Variants in CLIC6 observed in about 807,000 individuals in gnomAD.
The protein encoded by CLIC6 is CLIC family member 6.
In CLIC6, 39 loss-of-function variants were observed where a neutral mutation model predicts 49.2. The ratio of observed to expected loss-of-function variants is 0.79; its 90% CI spans 0.61 to 1.04. CLIC6 has a LOEUF of 1.04. Ranked by LOEUF, CLIC6 falls within the 50% of genes least tolerant of loss-of-function variation. CLIC6 has a pLI of 0.00. For synonymous variants in CLIC6, 446 were observed against 433.4 expected, an observed-to-expected ratio of 1.03 and a Z score of -0.36; for missense variants, 988 against 993.1, an observed-to-expected ratio of 0.99 and a Z score of 0.07.
In CLIC6 at chr21:34,669,711, TG is replaced by T; in HGVS notation, c.325del (p.Glu109ArgfsTer52). ...GAGGAGACAAGCGGCGCGCAGCAGG[TG>T]GAGGGGGCGAGCCCGGGACGCGGCG... ...GGEETSGAQQ[V>X]EGASPGRGAQ... On this transcript the variant is annotated frameshift_variant, in exon 1 of 6. Transcript: ENST00000349499. LOFTEE classifies it high-confidence loss of function. 7.5e-7 allele frequency: 1 copy of T among 1,333,878 alleles called. No individual in the cohort carries two copies. Among genetic ancestry groups the T allele is most frequent in the Non-Finnish European group, 9.5e-7 (1 of 1,048,238 alleles). The allele number at this position is 1,333,878 out of a possible 1,614,324, so 82.6% of individuals were successfully genotyped here. A position where few individuals can be genotyped will look rare whatever the true frequency, so the allele number is the denominator to read the frequency against.
intron 1 of CLIC6, among the ~76,000 whole-genome samples, chr21:34,688,695 G>A (rs1989930097): frequency 6.6e-6 from 1 of 152,236 alleles, no homozygotes; most frequent in Admixed American, 6.5e-5. Flanking sequence ...CTTGGGCAGA[G>A]GGTGCAGGGA....
At chr21:34,703,273 A>G (rs1347649055) in intron 1 of CLIC6, among the ~76,000 whole-genome samples, 1 of 152,206 alleles carries the variant, frequency 6.6e-6, no homozygotes, top group Non-Finnish European at 1.5e-5. Flanking sequence ...CAGAGTAGAG[A>G]AAAGTGCTTA....
chr21:34,673,488 G>A (rs1464149620), intron 1 of CLIC6, among the ~76,000 whole-genome samples: 7 of 151,926 alleles, frequency 4.6e-5, no homozygotes, highest in East Asian at 1.9e-4. Flanking sequence ...ATGGGGTTTC[G>A]CCATGTTGGC....
At chr21:34,690,861 CAAAAAAAA>C (rs33931156) in intron 1 of CLIC6, among the ~76,000 whole-genome samples, 11 of 99,674 alleles carry the variant, frequency 1.1e-4, no homozygotes, top group African/African-American at 4.0e-4. Context: ...TAATACATGT[CAAAAAAAA>C]AAAAAAAAAA....
chr21:34,698,366 A>C (rs1990126536), intron 1 of CLIC6, among the ~76,000 whole-genome samples: 1 of 151,150 alleles, frequency 6.6e-6, no homozygotes, highest in Non-Finnish European at 1.5e-5. Flanking sequence ...AAAGGAAGGA[A>C]GGAAGGACAG....
intron 1 of CLIC6, among the ~76,000 whole-genome samples, chr21:34,697,929 T>C (rs1011102101): frequency 5.9e-5 from 9 of 152,160 alleles, no homozygotes; most frequent in Non-Finnish European, 7.4e-5. Context: ...GCTGTCTTTA[T>C]AGGAGCTCAC....
At position 34,709,345 on chromosome 21, in the gene CLIC6, C is replaced by G. The variant is rs1439607684; in HGVS notation, c.1718-12C>G. Reference sequence around the variant, plus strand: ...AAACCTCTCTTTGTGATTTCTTGCCCTTCTGTTTTAGTTCATGAAAAGAAC... The same window carrying G: ...AAACCTCTCTTTGTGATTTCTTGCCGTTCTGTTTTAGTTCATGAAAAGAAC... On this transcript the variant is annotated splice_polypyrimidine_tract_variant and intron_variant, in intron 4 of 5. Transcript: ENST00000349499. The G allele has an allele frequency of 6.2e-7, 1 of 1,606,416 alleles. No homozygotes were observed.
At chr21:34,676,983 G>T (rs1989685125) in intron 1 of CLIC6, among the ~76,000 whole-genome samples, 2 of 151,988 alleles carry the variant, frequency 1.3e-5, no homozygotes, top group East Asian at 3.9e-4. Flanking sequence ...GCATAGTTGG[G>T]GGAGACATTT....
intron 1 of CLIC6, among the ~76,000 whole-genome samples, chr21:34,679,448 C>G (rs1989735287): frequency 6.6e-6 from 1 of 152,174 alleles, no homozygotes; most frequent in African/African-American, 2.4e-5. Flanking sequence ...CCGTATCATT[C>G]CACCCAGGCC....
chr21:34,670,660 G>C lies in CLIC6; in HGVS notation c.1272G>C (p.Glu424Asp), dbSNP rs1989541613. The part of the protein sequence containing the change: ...SNHLAEEGPA[E>D]GSGEAARVNG... ...ACCTGGCCGAGGAGGGCCCCGCCGA[G>C]GGTAGCGGCGAGGCCGCGCGCGTGA... The change falls in exon 1 of 6, where the codon GAG (glutamate) becomes GAC (aspartate). Residue 424 changes from glutamate (E) to aspartate (D), a missense_variant. Around this residue, in one of 3 missense-constraint regions of CLIC6, gnomAD observed 647 missense variants for 596.9 expected, o/e 1.08. Transcript: ENST00000349499. The C allele has an allele frequency of 6.4e-7, 1 of 1,568,114 alleles. No individual in the cohort carries two copies. The highest frequency in any genetic ancestry group is 8.6e-7 in the Non-Finnish European group (1 of 1,160,004).
chr21:34,670,722 G>A lies in CLIC6; in HGVS notation c.1334G>A (p.Arg445Gln), dbSNP rs1471009503. The change falls in exon 1 of 6, where the codon CGG (arginine) becomes CAG (glutamine). Residue 445 changes from arginine to glutamine, a missense_variant. This residue lies in a region of CLIC6 where 647 missense variants were observed against 596.9 expected (regional missense o/e 1.08). Coordinates refer to ENST00000349499, the MANE Select transcript of CLIC6 (RefSeq NM_053277.3). Reference sequence around the variant, plus strand: ...GAGGACGGAGAGGCGTCCGAGCCCCGGGCCCTGGGGCAGGAGCACGACATC... The same window carrying A: ...GAGGACGGAGAGGCGTCCGAGCCCCAGGCCCTGGGGCAGGAGCACGACATC... The part of the protein sequence containing the change: ...RREDGEASEP[R>Q]ALGQEHDITL... 2 of 1,599,162 alleles carry A rather than the reference G, an allele frequency of 1.3e-6. No individual in the cohort carries two copies. The highest frequency in any genetic ancestry group is 2.2e-5 in the East Asian group (1 of 44,544).
At chr21:34,711,065 C>G (rs1240354856) in intron 5 of CLIC6, among the ~76,000 whole-genome samples, 1 of 152,158 alleles carries the variant, frequency 6.6e-6, no homozygotes, top group Non-Finnish European at 1.5e-5. Context: ...CTTAGCAGCT[C>G]CAGATACCTC....
At position 34,682,956 on chromosome 21, in the gene CLIC6, C is replaced by T. The variant is rs370565195; in HGVS notation, c.1374+12194C>T. 5.7e-4 allele frequency among the ~76,000 whole-genome samples: 86 copies of T among 151,644 alleles called. No individual in the cohort carries two copies. In the East Asian group the frequency reaches 0.011, roughly 20 times the overall value. Reference sequence around the variant, plus strand: ...CCTCCCAAGTAGCTGGGACTACAGGCGCCCGCCAACACGCCCAGCTAATTT... The same window carrying T: ...CCTCCCAAGTAGCTGGGACTACAGGTGCCCGCCAACACGCCCAGCTAATTT... On this transcript the variant is annotated intron_variant, in intron 1 of 5. Coordinates refer to ENST00000349499, the MANE Select transcript of CLIC6 (RefSeq NM_053277.3).
At chr21:34,707,815 T>G in intron 2 of CLIC6, 129 bp from the exon 3 acceptor site, 3 of 942,870 alleles carry the variant, frequency 3.2e-6, no homozygotes, top group Middle Eastern at 3.3e-4. Flanking sequence ...GACATTTTCA[T>G]AAACCCACCA....
intron 1 of CLIC6, among the ~76,000 whole-genome samples, chr21:34,702,172 G>T (rs1387540958): frequency 6.6e-6 from 1 of 152,108 alleles, no homozygotes; most frequent in Non-Finnish European, 1.5e-5. Context: ...GACCGAAGAT[G>T]GGGGGCTGTT....
intron 1 of CLIC6, 118 bp downstream of exon 1, chr21:34,670,880 G>T (rs1448028069): frequency 8.4e-7 from 1 of 1,192,296 alleles, no homozygotes; most frequent in Non-Finnish European, 1.1e-6. Flanking sequence ...ATTGTCATCA[G>T]GCGCTTCCAT....
chr21:34,703,931 G>A (rs981284326), intron 1 of CLIC6, among the ~76,000 whole-genome samples: 6 of 152,166 alleles, frequency 3.9e-5, no homozygotes, highest in Admixed American at 3.3e-4. Context: ...GCAATTCTGG[G>A]TTATCCAAGC....
chr21:34,672,847 C>T (rs1568955938), intron 1 of CLIC6, among the ~76,000 whole-genome samples: 2 of 152,168 alleles, frequency 1.3e-5, no homozygotes, highest in Non-Finnish European at 1.5e-5. Flanking sequence ...GTACCTAGCC[C>T]TTGAGGTTAC....
chr21:34,676,728 C>CA (rs1323368102), intron 1 of CLIC6, among the ~76,000 whole-genome samples: 1 of 152,192 alleles, frequency 6.6e-6, no homozygotes, highest in East Asian at 1.9e-4. Flanking sequence ...TGGGGAGACA[C>CA]AACCATTTTC....
Sources: gnomAD v4.1 joint callset for allele counts (sites outside exome capture counted in the v4.1 genomes callset) on GRCh38, gnomAD v4.1.1 for gene constraint, gnomAD v4.1.1 regional missense constraint, MANE v1.5 for transcripts, NCBI Gene and HGNC (gene_info 2026-07-23, HGNC 2026-07-21) for gene names.